Variants in CHD2 observed in about 807,000 individuals in gnomAD.
The protein encoded by CHD2 is chromodomain helicase DNA binding protein 2, also known as ATP-dependent chromatin remodeler CHD2.
In CHD2, 28 loss-of-function variants were observed where a neutral mutation model predicts 243.9. That is an observed-to-expected ratio of 0.11 (90% CI 0.09 to 0.16). CHD2 has a LOEUF of 0.16. CHD2 is among the 10% of genes least tolerant of loss of function. CHD2 has a pLI of 1.00. For missense variants in CHD2, 1,386 were observed against 2,209.8 expected (o/e 0.63, Z 7.47); for synonymous variants, 775 against 779.0 (o/e 0.99, Z 0.09).
intron 2 of CHD2, among the ~76,000 whole-genome samples, chr15:92,912,853 A>T (rs2052766295): frequency 6.6e-6 from 1 of 152,212 alleles, no homozygotes; most frequent in Admixed American, 6.5e-5. Context: ...CCAGGCCCTG[A>T]CAAACTAAAA....
intron 16 of CHD2, among the ~76,000 whole-genome samples, chr15:92,960,621 C>T (rs1567142532): frequency 1.4e-5 from 2 of 145,630 alleles, no homozygotes; most frequent in Non-Finnish European, 3.0e-5. Flanking sequence ...ATAAATCTGA[C>T]TTGTTAACAG....
chr15:92,983,029 T>A (rs557839043), intron 24 of CHD2, among the ~76,000 whole-genome samples: 1 of 152,228 alleles, frequency 6.6e-6, no homozygotes, highest in East Asian at 1.9e-4. Flanking sequence ...ACTGCTGACT[T>A]TTCTTATCTT....
chr15:92,940,970 A>AATATATATATAAATAT (rs1290465043), intron 7 of CHD2, among the ~76,000 whole-genome samples: 8 of 31,436 alleles, frequency 2.5e-4, no homozygotes, highest in Admixed American at 1.6e-3. Flanking sequence ...TATAAATATA[A>AATATATATATAAATAT]ATATAAATAT....
chr15:93,008,664 T>C (rs554909093), intron 34 of CHD2, among the ~76,000 whole-genome samples: 181 of 152,306 alleles, frequency 1.2e-3, no homozygotes, highest in African/African-American at 4.3e-3. Context: ...TACCATTGTT[T>C]TAGTGGGATT....
At position 92,956,594 on chromosome 15, in the gene CHD2, C is replaced by T; in HGVS notation, c.1945C>T (p.Leu649Phe). 1 of 1,614,024 alleles carries T rather than the reference C, an allele frequency of 6.2e-7. No homozygotes were observed. The highest frequency in any genetic ancestry group is 8.5e-7 in the Non-Finnish European group (1 of 1,179,944). The change falls in exon 16 of 39, where the codon CTT (leucine) becomes TTT (phenylalanine). Residue 649 changes from leucine to phenylalanine, a missense_variant. Physicochemically the swap from Leu to Phe is conservative, Grantham distance 22. This residue lies in a region of CHD2 where 118 missense variants were observed against 266.3 expected (regional missense o/e 0.44). Transcript: ENST00000394196. ...TAGGCTCCTGATTACGGGGACCCCT[C>T]TTCAGAATTCCCTCAAAGAGCTCTG... ...NHRLLITGTP[L>F]QNSLKELWSL...
chr15:93,025,287 G>A lies in CHD2; in HGVS notation c.*582G>A, dbSNP rs1480368285. 6.5e-6 allele frequency: 1 copy of A among 152,876 alleles called. No individual in the cohort carries two copies. Among genetic ancestry groups the A allele is most frequent in the Non-Finnish European group, 1.5e-5 (1 of 68,284 alleles). 9.5% of individuals were successfully genotyped at this position (152,876 alleles called of 1,614,324 possible). A position where few individuals can be genotyped will look rare whatever the true frequency, so the allele number is the denominator to read the frequency against. On this transcript the variant is annotated 3_prime_UTR_variant, in exon 39 of 39. Transcript: ENST00000394196. ...TGTTCTTGGGAGAAGTGATACACTC[G>A]GCCTCATTATGTGAAACCTGTGGGT... is the stretch of plus-strand genomic sequence containing the variant.
intron 35 of CHD2, among the ~76,000 whole-genome samples, chr15:93,010,152 A>G (rs1055794361): frequency 1.3e-5 from 2 of 152,216 alleles, no homozygotes; most frequent in Non-Finnish European, 1.5e-5. Flanking sequence ...TGCAAATGCC[A>G]TTATTTTATT....
At chr15:92,928,607 C>G (rs2053108646) in intron 4 of CHD2, among the ~76,000 whole-genome samples, 1 of 152,072 alleles carries the variant, frequency 6.6e-6, no homozygotes, top group Admixed American at 6.5e-5. Context: ...CAGTATGGTC[C>G]CCACTACTCA....
intron 16 of CHD2, among the ~76,000 whole-genome samples, chr15:92,963,738 CGAA>C (rs954540759): frequency 3.3e-5 from 5 of 152,160 alleles, no homozygotes; most frequent in Admixed American, 2.0e-4. Flanking sequence ...AGTAGATAGA[CGAA>C]GATCAATAGC....
At chr15:92,943,355 G>T in intron 9 of CHD2, 1 of 361,778 alleles carries the variant, frequency 2.8e-6, no homozygotes, top group Non-Finnish European at 5.2e-6. Context: ...TACCCATTTT[G>T]TAGATGGGGA....
chr15:92,944,239 T>G (rs777248425), intron 9 of CHD2, 176 bp from the exon 10 acceptor site: 33 of 456,738 alleles, frequency 7.2e-5, no homozygotes, highest in Non-Finnish European at 1.1e-4. Flanking sequence ...AAAGTGTTTT[T>G]TTTGTTTGTT....
At chr15:93,008,705 G>A (rs192690311) in intron 34 of CHD2, among the ~76,000 whole-genome samples, 1 of 152,244 alleles carries the variant, frequency 6.6e-6, no homozygotes, top group Admixed American at 6.5e-5. Context: ...CTTGTGTTCT[G>A]TTTACCATCT....
At position 92,997,170 on chromosome 15, in the gene CHD2, T is replaced by A; in HGVS notation, c.3734+75T>A. On this transcript the variant is annotated intron_variant, in intron 29 of 38. Transcript: ENST00000394196. This position sits in a 1 kb window ranked among gnomAD's most constrained non-coding sequence, Gnocchi z 4.1. ...GATTTGAAGTTAGACTTTGTGTAGT[T>A]CCATAGTATTTTTACTGTCTCTTCT... 3 of 1,606,656 alleles carry A rather than the reference T, an allele frequency of 1.9e-6. No individual in the cohort carries two copies. The highest frequency in any genetic ancestry group is 1.7e-6 in the Non-Finnish European group (2 of 1,176,946).
At position 93,010,621 on chromosome 15, in the gene CHD2, A is replaced by T. The variant is rs184314841; in HGVS notation, c.4592+1298A>T. ...GTATTTTTAGTAGAGATGGGGTTTC[A>T]TCATGTTGACCAGGCTGGTCTCGAG... is the stretch of plus-strand genomic sequence containing the variant. On this transcript the variant is annotated intron_variant, in intron 35 of 38. Coordinates refer to ENST00000394196, the MANE Select transcript of CHD2 (RefSeq NM_001271.4). 1.0e-3 allele frequency among the ~76,000 whole-genome samples: 155 copies of T among 152,146 alleles called. 3 individuals are homozygous for T. Among genetic ancestry groups the T allele is most frequent in the Middle Eastern group, 3.4e-3 (1 of 294 alleles).
rs867426777 is a variant in CHD2 at position 93,006,043 on chromosome 15, A to C, written c.4413+1292A>C. Among the ~76,000 whole-genome samples, 6 of 151,870 alleles carry C rather than the reference A, an allele frequency of 4.0e-5. No homozygotes were observed. In the Middle Eastern group the frequency reaches 0.01, roughly 258 times the overall value. Reference sequence around the variant, plus strand: ...TACCATGAAGTTTTGTCAAATCTGAATTTTTTTAAGACTCAAAATATAAAG... The same window carrying C: ...TACCATGAAGTTTTGTCAAATCTGACTTTTTTTAAGACTCAAAATATAAAG... On this transcript the variant is annotated intron_variant, in intron 34 of 38. Transcript: ENST00000394196.
At position 92,957,190 on chromosome 15, in the gene CHD2, C is replaced by G. The variant is rs113823711; in HGVS notation, c.2000+541C>G. ...TCTATATTCATTAATTTGGAGGACT[C>G]CACTCAGTCTGGCCCCTTGACAATA... On this transcript the variant is annotated intron_variant, in intron 16 of 38. Transcript: ENST00000394196. Among the ~76,000 whole-genome samples, 29 of 152,344 alleles carry G rather than the reference C, an allele frequency of 1.9e-4. 1 individual carries two copies. Among genetic ancestry groups the G allele is most frequent in the African/African-American group, 5.8e-4 (24 of 41,586 alleles).
chr15:92,950,442 C>T (rs2053538419), intron 13 of CHD2: 1 of 152,110 alleles, frequency 6.6e-6, no homozygotes, highest in South Asian at 2.1e-4. Flanking sequence ...GTAAGAAGTA[C>T]CTTTAATGCC....
At chr15:92,984,267 A>G (rs1204466044) in intron 24 of CHD2, 63 bp from the exon 25 acceptor site, 46 of 1,291,304 alleles carry the variant, frequency 3.6e-5, no homozygotes, top group South Asian at 4.4e-5. Context: ...CACTGGATAA[A>G]TTGTTTTAGT....
intron 14 of CHD2, chr15:92,953,857 T>A: frequency 2.7e-6 from 1 of 368,530 alleles, no homozygotes; most frequent in Admixed American, 4.2e-5. Context: ...ACTTCTAAGA[T>A]TGCTTTATAT....
Sources: gnomAD v4.1 joint callset for allele counts (sites outside exome capture counted in the v4.1 genomes callset) on GRCh38, gnomAD v4.1.1 for gene constraint, gnomAD v4.1.1 regional missense constraint, Gnocchi (gnomAD v3.1) non-coding constraint, MANE v1.5 for transcripts, NCBI Gene and HGNC (gene_info 2026-07-23, HGNC 2026-07-21) for gene names.